Variants in CDYL observed in about 807,000 individuals in gnomAD.
The protein encoded by CDYL is chromodomain Y-like protein.
In CDYL, 8 loss-of-function variants were observed where a neutral mutation model predicts 47.3. The ratio of observed to expected loss-of-function variants is 0.17; its 90% confidence interval spans 0.10 to 0.31. The LOEUF (loss-of-function observed/expected upper bound fraction) is 0.31. Among genes scored for constraint, CDYL ranks in the 10% least tolerant of loss-of-function variants. CDYL has a pLI of 1.00. For synonymous variants in CDYL, 266 were observed against 265.0 expected (o/e 1.00, Z -0.04); for missense variants, 471 against 701.4 (o/e 0.67, Z 3.71).
chr6:4,848,506 G>A (rs574529620), intron 1 of CDYL, among the ~76,000 whole-genome samples: 2 of 152,280 alleles, frequency 1.3e-5, no homozygotes, highest in East Asian at 3.9e-4. Context: ...CAATGACCAG[G>A]CACATGAGAA....
chr6:4,759,630 C>T (rs1466151866), intron 3 of CDYL, among the ~76,000 whole-genome samples: 1 of 151,454 alleles, frequency 6.6e-6, no homozygotes, highest in Admixed American at 6.6e-5. Context: ...ACCTGTAATT[C>T]CATCACTCTG....
intron 1 of CDYL, among the ~76,000 whole-genome samples, chr6:4,841,324 T>G (rs1313861530): frequency 6.6e-6 from 1 of 152,142 alleles, no homozygotes; most frequent in Non-Finnish European, 1.5e-5. Context: ...TCACTAATTT[T>G]ATTTATCTTT....
At chr6:4,762,550 A>T (rs141352439) in intron 3 of CDYL, among the ~76,000 whole-genome samples, 4,192 of 151,030 alleles carry the variant, frequency 0.028, 84 homozygotes, top group Non-Finnish European at 0.045. Flanking sequence ...CAAAGAGATT[A>T]AAAAAAAATC....
intron 2 of CDYL, chr6:4,724,707 C>G (rs1417821784): frequency 6.6e-6 from 1 of 152,164 alleles, no homozygotes; most frequent in Non-Finnish European, 1.5e-5. Context: ...TGGAATTCTT[C>G]GTTCCTCTCG....
At chr6:4,886,727 CT>C (rs1301808207) in intron 1 of CDYL, among the ~76,000 whole-genome samples, 1 of 152,092 alleles carries the variant, frequency 6.6e-6, no homozygotes, top group Non-Finnish European at 1.5e-5. Flanking sequence ...GTTTAATCCA[CT>C]TTTTTTCTTT....
intron 2 of CDYL, among the ~76,000 whole-genome samples, chr6:4,914,311 G>C (rs116236902): frequency 6.6e-6 from 1 of 151,428 alleles, no homozygotes; most frequent in African/African-American, 2.4e-5. Flanking sequence ...AGGAGAGTAC[G>C]GCTCCGTGCT....
In CDYL at chr6:4,741,169, C is replaced by T. The variant is rs141627365; in HGVS notation, c.186+6325C>T. Among the ~76,000 whole-genome samples the T allele has an allele frequency of 6.9e-4, 105 of 152,266 alleles. 1 individual carries two copies. The South Asian group carries it at 0.016, about 23-fold the overall frequency. ...AATCAGGCTTGCATTCTAATTCAGT[C>T]TAACCCTGGCTATTTCCAAAGCCAA... On this transcript the variant is annotated intron_variant, in intron 3 of 8. Coordinates refer to the CDYL transcript ENST00000328908.
chr6:4,937,839 C>A, intron 4 of CDYL, 102 bp downstream of exon 4: 1 of 821,220 alleles, frequency 1.2e-6, no homozygotes, highest in Non-Finnish European at 1.9e-6. Context: ...ATAAGATACA[C>A]ATCTTCTCCC....
At chr6:4,826,770 C>G (rs1241740624) in intron 1 of CDYL, among the ~76,000 whole-genome samples, 3 of 152,096 alleles carry the variant, frequency 2.0e-5, no homozygotes, top group Non-Finnish European at 4.4e-5. Flanking sequence ...TTGGTCTGTT[C>G]TGGAAAATGA....
At chr6:4,881,286 C>T (rs998925862) in intron 1 of CDYL, among the ~76,000 whole-genome samples, 5 of 152,010 alleles carry the variant, frequency 3.3e-5, no homozygotes, top group Non-Finnish European at 5.9e-5. Flanking sequence ...TGAAATTTGA[C>T]ATTTCGTTAT....
intron 1 of CDYL, among the ~76,000 whole-genome samples, chr6:4,861,800 C>A (rs1248548251): frequency 6.6e-6 from 1 of 152,178 alleles, no homozygotes; most frequent in Non-Finnish European, 1.5e-5. Flanking sequence ...AGAGTGACTT[C>A]CTGCTTGTTG....
intron 3 of CDYL, among the ~76,000 whole-genome samples, chr6:4,769,859 C>T (rs903367837): frequency 1.3e-5 from 2 of 152,100 alleles, no homozygotes; most frequent in African/African-American, 2.4e-5. Context: ...TGCAGTGGCG[C>T]GATCTCGGCT....
chr6:4,863,268 G>A (rs1430126678), intron 1 of CDYL, among the ~76,000 whole-genome samples: 1 of 152,204 alleles, frequency 6.6e-6, no homozygotes, highest in Admixed American at 6.5e-5. Context: ...CACTGTTTGA[G>A]TAATGGGTTC....
At chr6:4,746,515 T>C (rs1757902090) in intron 3 of CDYL, among the ~76,000 whole-genome samples, 1 of 152,052 alleles carries the variant, frequency 6.6e-6, no homozygotes, top group African/African-American at 2.4e-5. Context: ...TGGATAGTAA[T>C]GAAGAGACCG....
At chr6:4,879,950 C>A (rs1033809505) in intron 1 of CDYL, among the ~76,000 whole-genome samples, 1 of 152,130 alleles carries the variant, frequency 6.6e-6, no homozygotes, top group African/African-American at 2.4e-5. Flanking sequence ...TATACCCTCT[C>A]GCACGCCCCT....
At chr6:4,750,918 T>C (rs1757978042) in intron 3 of CDYL, among the ~76,000 whole-genome samples, 1 of 151,340 alleles carries the variant, frequency 6.6e-6, no homozygotes, top group Non-Finnish European at 1.5e-5. Flanking sequence ...AGTGGCACGA[T>C]CTCGGCTCAC....
At chr6:4,953,725 T>A (rs1053116599) in intron 6 of CDYL, among the ~76,000 whole-genome samples, 173 bp from the exon 7 acceptor site, 1 of 152,188 alleles carries the variant, frequency 6.6e-6, no homozygotes, top group Non-Finnish European at 1.5e-5. Flanking sequence ...GTGCCAAGTG[T>A]GAAATGTGCT....
intron 1 of CDYL, among the ~76,000 whole-genome samples, chr6:4,877,670 G>GT (rs1202490728): frequency 6.6e-6 from 1 of 152,136 alleles, no homozygotes; most frequent in African/African-American, 2.4e-5. Flanking sequence ...GTGCTCTCTT[G>GT]TTTCATTGAT....
chr6:4,901,206 G>A (rs914810378), intron 2 of CDYL, among the ~76,000 whole-genome samples: 11 of 151,996 alleles, frequency 7.2e-5, no homozygotes, highest in African/African-American at 2.4e-4. Context: ...TCTAACTATA[G>A]TTCTTGCTCC....
Sources: allele counts gnomAD v4.1 joint callset (sites outside exome capture counted in the v4.1 genomes callset), GRCh38; gene constraint gnomAD v4.1.1; transcripts MANE v1.5; gene names NCBI Gene and HGNC (gene_info 2026-07-23, HGNC 2026-07-21).